Variants in TC2N observed in about 807,000 individuals in gnomAD.
TC2N encodes the protein tandem C2 domains nuclear protein.
Under a neutral mutation model 61.9 loss-of-function variants are expected in TC2N, and 51 were observed. The ratio of observed to expected loss-of-function variants is 0.82; its 90% confidence interval spans 0.66 to 1.04. The LOEUF (loss-of-function observed/expected upper bound fraction) is 1.04, where lower values mean the gene tolerates loss of function less well. TC2N is among the 50% of genes least tolerant of loss of function. TC2N has a pLI of 0.00. For missense variants in TC2N, 556 were observed against 566.7 expected, an observed-to-expected ratio of 0.98 and a Z score of 0.19; for synonymous variants, 204 against 192.6, an observed-to-expected ratio of 1.06 and a Z score of -0.49.
At chr14:91,866,838 C>T (rs1357876862) in intron 1 of TC2N, among the ~76,000 whole-genome samples, 1 of 152,208 alleles carries the variant, frequency 6.6e-6, no homozygotes, top group Non-Finnish European at 1.5e-5. Context: ...TGATGATTCC[C>T]AAGGGGTAGG....
intron 11 of TC2N, among the ~76,000 whole-genome samples, chr14:91,784,263 A>G (rs1214055708): frequency 6.6e-6 from 1 of 152,170 alleles, no homozygotes; most frequent in East Asian, 1.9e-4. Flanking sequence ...GAAAACTTTA[A>G]CTGAATTGAC....
At chr14:91,829,232 C>A (rs933395046) in intron 1 of TC2N, among the ~76,000 whole-genome samples, 5 of 151,940 alleles carry the variant, frequency 3.3e-5, no homozygotes, top group Non-Finnish European at 7.4e-5. Flanking sequence ...AATTCTCATT[C>A]ATTATCTCTT....
At chr14:91,818,650 A>G (rs576005353) in intron 1 of TC2N, among the ~76,000 whole-genome samples, 7 of 152,298 alleles carry the variant, frequency 4.6e-5, no homozygotes, top group African/African-American at 1.4e-4. Flanking sequence ...GCTGGACTCA[A>G]TATGTTCAAA....
At chr14:91,840,255 G>T (rs747088695) in intron 1 of TC2N, among the ~76,000 whole-genome samples, 6 of 152,072 alleles carry the variant, frequency 3.9e-5, no homozygotes, top group African/African-American at 9.7e-5. Flanking sequence ...AATATTTGGG[G>T]TTTTTTTCTA....
intron 9 of TC2N, among the ~76,000 whole-genome samples, chr14:91,788,259 G>C (rs2139823857): frequency 6.6e-6 from 1 of 152,194 alleles, no homozygotes; most frequent in East Asian, 1.9e-4. Flanking sequence ...TTAGAGAAGA[G>C]GAAAAATTAA....
chr14:91,861,822 C>T (rs1001583527), intron 1 of TC2N, among the ~76,000 whole-genome samples: 2 of 152,066 alleles, frequency 1.3e-5, no homozygotes, highest in East Asian at 1.9e-4. Flanking sequence ...GCAGAAGGAT[C>T]GCTTGAGCCT....
intron 1 of TC2N, among the ~76,000 whole-genome samples, chr14:91,850,004 A>G (rs73339610): frequency 0.041 from 6,121 of 150,674 alleles, 344 homozygotes; most frequent in African/African-American, 0.12. Context: ...AGCCCAAATC[A>G]CACCATTGCA....
At chr14:91,849,798 A>G (rs2139917045) in intron 1 of TC2N, among the ~76,000 whole-genome samples, 1 of 152,350 alleles carries the variant, frequency 6.6e-6, no homozygotes, top group South Asian at 2.1e-4. Flanking sequence ...CTGTAATCCC[A>G]GCACTTTGGG....
chr14:91,784,714 C>T (rs927796111), intron 11 of TC2N, among the ~76,000 whole-genome samples: 3 of 151,998 alleles, frequency 2.0e-5, no homozygotes, highest in African/African-American at 7.2e-5. Flanking sequence ...AATATCACAA[C>T]CACTGTTAAA....
chr14:91,848,918 C>T (rs1472096819), intron 1 of TC2N, among the ~76,000 whole-genome samples: 3 of 152,172 alleles, frequency 2.0e-5, no homozygotes, highest in Non-Finnish European at 2.9e-5. Flanking sequence ...CAAATCCTGC[C>T]TTCCTTTTTC....
chr14:91,829,047 CT>C (rs781426361), intron 1 of TC2N, among the ~76,000 whole-genome samples: 3 of 146,518 alleles, frequency 2.0e-5, no homozygotes, highest in Non-Finnish European at 4.5e-5. Context: ...AACCACTGTT[CT>C]TTTAAAAAAA....
chr14:91,851,519 T>C (rs993395373), intron 1 of TC2N, among the ~76,000 whole-genome samples: 3 of 152,184 alleles, frequency 2.0e-5, no homozygotes, highest in Non-Finnish European at 4.4e-5. Flanking sequence ...GCTGTTGCCG[T>C]AGCGTCGGAA....
At chr14:91,858,140 T>TTCC (rs1878962899) in intron 1 of TC2N, among the ~76,000 whole-genome samples, 1 of 129,010 alleles carries the variant, frequency 7.8e-6, no homozygotes, top group African/African-American at 2.8e-5. Flanking sequence ...TGATTCTTTC[T>TTCC]TTCTTCTTCT....
At chr14:91,817,322 G>A (rs986745777) in intron 1 of TC2N, among the ~76,000 whole-genome samples, 13 of 151,374 alleles carry the variant, frequency 8.6e-5, no homozygotes, top group Admixed American at 3.3e-4. Context: ...AAATGTATGC[G>A]TTTTCAAAGG....
At chr14:91,840,051 T>A (rs148859522) in intron 1 of TC2N, among the ~76,000 whole-genome samples, 4 of 152,328 alleles carry the variant, frequency 2.6e-5, no homozygotes, top group East Asian at 3.9e-4. Context: ...TTCACCCCAC[T>A]GTCTCCCTCT....
intron 1 of TC2N, among the ~76,000 whole-genome samples, chr14:91,827,639 T>C (rs766176486): frequency 2.6e-5 from 4 of 152,226 alleles, no homozygotes; most frequent in Non-Finnish European, 5.9e-5. Flanking sequence ...AAATCACATC[T>C]GTAAAGTCAC....
chr14:91,829,397 T>C (rs554315474), intron 1 of TC2N, among the ~76,000 whole-genome samples: 4 of 152,268 alleles, frequency 2.6e-5, no homozygotes, highest in African/African-American at 9.6e-5. Context: ...TTGAGTTATA[T>C]TCTGAATGAT....
rs1238497210 is a variant in TC2N, at chr14:91,813,744, C to T, written c.26G>A (p.Cys9Tyr). Reference sequence around the variant, plus strand: ...TTCACCATAGAAACATCCTCCACAGCAACTCTTTATAAATTCTGTTGCCAT... The same window carrying T: ...TTCACCATAGAAACATCCTCCACAGTAACTCTTTATAAATTCTGTTGCCAT... MATEFIKS[C>Y]CGGCFYGETE... The change falls in exon 2 of 12, where the codon TGC (cysteine) becomes TAC (tyrosine). Residue 9 changes from cysteine to tyrosine, a missense_variant. Physicochemically the swap from Cys to Tyr is radical, Grantham distance 194. Coordinates refer to ENST00000435962, the MANE Select transcript of TC2N (RefSeq NM_001128596.3). The T allele has an allele frequency of 6.2e-7, 1 of 1,609,740 alleles. No individual in the cohort carries two copies. The highest frequency in any genetic ancestry group is 8.5e-7 in the Non-Finnish European group (1 of 1,177,194).
intron 3 of TC2N, among the ~76,000 whole-genome samples, chr14:91,806,905 A>T (rs1354785237): frequency 6.6e-6 from 1 of 152,216 alleles, no homozygotes; most frequent in African/African-American, 2.4e-5. Context: ...GAGGTCCAGG[A>T]GGAAAAAGTG....
Sources: allele counts gnomAD v4.1 joint callset (sites outside exome capture counted in the v4.1 genomes callset), GRCh38; gene constraint gnomAD v4.1.1; transcripts MANE v1.5; gene names NCBI Gene and HGNC (gene_info 2026-07-23, HGNC 2026-07-21).